ATRX: variants seen among roughly 807,000 people sequenced by gnomAD.
ATRX encodes ATRX chromatin remodeler.
A neutral mutation model predicts 172.6 loss-of-function variants in ATRX; 12 were observed. The observed-to-expected ratio is 0.07, with a 90% CI of 0.04 to 0.11. The LOEUF (loss-of-function observed/expected upper bound fraction) is 0.11. Among genes scored for constraint, ATRX ranks in the 10% least tolerant of loss-of-function variants. ATRX has a pLI of 1.00. For missense variants in ATRX, 1,368 were observed against 1,767.4 expected (o/e 0.77, Z 4.05); for synonymous variants, 674 against 594.7 (o/e 1.13, Z -1.94).
intron 1 of ATRX, among the ~76,000 whole-genome samples, chrX:77,741,761 C>T (rs1167781144): frequency 9.0e-6 from 1 of 111,521 alleles, no homozygotes; most frequent in African/African-American, 3.3e-5. Context: ...CACATCCAGC[C>T]GATAGTGACC....
chrX:77,698,512 A>G (rs1242696285), intron 3 of ATRX, 62 bp downstream of exon 3: 1 of 1,039,408 alleles, frequency 9.6e-7, no homozygotes, highest in Non-Finnish European at 1.3e-6. Flanking sequence ...GAAGCAATCT[A>G]AAGACATATG....
At chrX:77,617,353 G>A (rs1441079694) in intron 21 of ATRX, among the ~76,000 whole-genome samples, 2 of 111,086 alleles carry the variant, frequency 1.8e-5, no homozygotes, top group African/African-American at 6.6e-5. Flanking sequence ...CAGCAATACA[G>A]AAACAGGGTA....
In ATRX at chrX:77,506,712, G is replaced by A. The variant is rs1417605911; in HGVS notation, c.*1639C>T. 1 of 172,524 alleles carries A rather than the reference G, an allele frequency of 5.8e-6. No homozygotes were observed. Among genetic ancestry groups the A allele is most frequent in the Non-Finnish European group, 1.1e-5 (1 of 90,982 alleles). 14.2% of individuals were successfully genotyped at this position (172,524 alleles called of 1,213,427 possible). A position where few individuals can be genotyped will look rare whatever the true frequency, so the allele number is the denominator to read the frequency against. ...CATCATGGGAAAGTGGGGGAGAGGGGCGTGGATCCACCAAACCTCACAAAT... is the reference window on the plus strand; with the variant it reads ...CATCATGGGAAAGTGGGGGAGAGGGACGTGGATCCACCAAACCTCACAAAT... On this transcript the variant is annotated 3_prime_UTR_variant, in exon 35 of 35. Coordinates refer to ENST00000373344, the MANE Select transcript of ATRX (RefSeq NM_000489.6).
chrX:77,727,509 G>A (rs1055965488), intron 1 of ATRX, among the ~76,000 whole-genome samples: 3 of 111,325 alleles, frequency 2.7e-5, no homozygotes, highest in African/African-American at 9.8e-5. Flanking sequence ...CATAAAAAAA[G>A]GATCAGTTCA....
At chrX:77,571,277 A>G (rs1238031459) in intron 28 of ATRX, among the ~76,000 whole-genome samples, 9 of 112,223 alleles carry the variant, frequency 8.0e-5, no homozygotes, top group African/African-American at 2.9e-4. Context: ...AGCTTTAGTT[A>G]TAATAGCCAA....
At chrX:77,718,264 T>A (rs2073549693) in intron 1 of ATRX, among the ~76,000 whole-genome samples, 1 of 109,506 alleles carries the variant, frequency 9.1e-6, no homozygotes, top group East Asian at 2.8e-4. Flanking sequence ...ATAGAAGAAC[T>A]GTCTAACTGA....
intron 1 of ATRX, among the ~76,000 whole-genome samples, chrX:77,724,858 A>C (rs2073956908): frequency 1.8e-5 from 2 of 111,981 alleles, no homozygotes; most frequent in Admixed American, 1.9e-4. Context: ...GTCATATCAT[A>C]GAGATGATCC....
intron 28 of ATRX, among the ~76,000 whole-genome samples, chrX:77,573,185 A>G (rs1236056008): frequency 8.9e-6 from 1 of 111,962 alleles, no homozygotes; most frequent in Non-Finnish European, 1.9e-5. Flanking sequence ...AGTATAATAC[A>G]TATTTTTACT....
intron 28 of ATRX, among the ~76,000 whole-genome samples, chrX:77,562,989 C>G (rs1232899981): frequency 8.9e-6 from 1 of 112,772 alleles, no homozygotes; most frequent in Non-Finnish European, 1.9e-5. Context: ...TTTATACATT[C>G]TGAATGAGTC....
chrX:77,563,389 T>C (rs2065083727), intron 28 of ATRX, among the ~76,000 whole-genome samples: 1 of 112,495 alleles, frequency 8.9e-6, no homozygotes, highest in South Asian at 3.6e-4. Flanking sequence ...AAAACCATTT[T>C]TAACTTGAAT....
At chrX:77,752,669 AG>A (rs2075343765) in intron 1 of ATRX, among the ~76,000 whole-genome samples, 1 of 111,933 alleles carries the variant, frequency 8.9e-6, no homozygotes, top group South Asian at 3.7e-4. Flanking sequence ...GAGAGTTTCT[AG>A]CATGAAGGGG....
At chrX:77,559,446 T>C (rs1201135951) in intron 28 of ATRX, among the ~76,000 whole-genome samples, 1 of 90,626 alleles carries the variant, frequency 1.1e-5, no homozygotes, top group African/African-American at 4.0e-5. Context: ...TTTCTTTCTT[T>C]CCCTTTTTTT....
chrX:77,657,566 T>C (rs1351631351), intron 12 of ATRX, among the ~76,000 whole-genome samples: 1 of 111,483 alleles, frequency 9.0e-6, no homozygotes, highest in Non-Finnish European at 1.9e-5. Context: ...AATGATACTA[T>C]TTGATTATAA....
intron 19 of ATRX, among the ~76,000 whole-genome samples, chrX:77,625,394 G>A (rs1033544659): frequency 7.1e-5 from 8 of 112,291 alleles, no homozygotes; most frequent in East Asian, 2.8e-4. Context: ...ATAAATAGCC[G>A]GGACCTAATT....
chrX:77,511,768 T>C (rs1336111685), intron 34 of ATRX, among the ~76,000 whole-genome samples: 1 of 111,006 alleles, frequency 9.0e-6, no homozygotes, highest in East Asian at 2.8e-4. Flanking sequence ...AAATGTACCA[T>C]CAGAGGAGAC....
chrX:77,510,576 A>G (rs782721574), intron 34 of ATRX, among the ~76,000 whole-genome samples: 301 of 102,483 alleles, frequency 2.9e-3, no homozygotes, highest in Non-Finnish European at 4.4e-3. Context: ...CAGAAGGGAG[A>G]GACGTAGTCC....
chrX:77,640,898 G>C (rs2068621866), intron 15 of ATRX, among the ~76,000 whole-genome samples: 1 of 111,397 alleles, frequency 9.0e-6, no homozygotes, highest in Non-Finnish European at 1.9e-5. Context: ...GTGAAACTTT[G>C]TGAGGCCAGG....
intron 19 of ATRX, among the ~76,000 whole-genome samples, chrX:77,621,434 C>T (rs973230470): frequency 2.7e-5 from 3 of 110,911 alleles, no homozygotes; most frequent in South Asian, 3.8e-4. Flanking sequence ...CTCAGCCTAT[C>T]GAGTAGCTGG....
intron 1 of ATRX, among the ~76,000 whole-genome samples, chrX:77,774,214 C>T (rs2076268487): frequency 9.5e-6 from 1 of 105,183 alleles, no homozygotes; most frequent in South Asian, 4.2e-4. Context: ...AAGAGCAAAA[C>T]TGTCTCAAAA....
Sources: gnomAD v4.1 joint callset for allele counts (sites outside exome capture counted in the v4.1 genomes callset) on GRCh38, gnomAD v4.1.1 for gene constraint, MANE v1.5 for transcripts, NCBI Gene and HGNC (gene_info 2026-07-23, HGNC 2026-07-21) for gene names.